RAB26: variants seen among roughly 807,000 people sequenced by gnomAD.
The protein encoded by RAB26 is ras-related protein Rab-26.
In RAB26, 39 loss-of-function variants were observed where a neutral mutation model predicts 33.1. The observed-to-expected ratio is 1.18, with a 90% CI of 0.91 to 1.54. RAB26 has a LOEUF of 1.54. RAB26 is among the 40% of genes most tolerant of loss of function. The pLI, the probability that RAB26 is intolerant of heterozygous loss-of-function variation, is 0.00. For missense variants in RAB26, 468 were observed against 362.9 expected (o/e 1.29, Z -2.35); for synonymous variants, 192 against 151.9 (o/e 1.26, Z -1.94).
Position 2,153,577 on chromosome 16 carries a change from G to A in RAB26, c.*156G>A. ...CAAGCCTTGTCCCTTCCTCCTCCCA[G>A]CAACAGTCCCAACAAGCAGGCTTCT... On this transcript the variant is annotated 3_prime_UTR_variant, in exon 9 of 9. Transcript: ENST00000210187. The A allele has an allele frequency of 1.4e-6, 1 of 700,776 alleles. No individual in the cohort carries two copies. The highest frequency in any genetic ancestry group is 2.4e-6 in the Non-Finnish European group (1 of 409,402). The allele number at this position is 700,776 out of a possible 1,614,324, so 43.4% of individuals were successfully genotyped here.
rs781510741 is a variant in RAB26 at position 2,151,923 on chromosome 16, T to C, written c.468+15T>C. 2 of 1,614,084 alleles carry C rather than the reference T, an allele frequency of 1.2e-6. No homozygotes were observed. Among genetic ancestry groups the C allele is most frequent in the Non-Finnish European group, 8.5e-7 (1 of 1,180,018 alleles). On this transcript the variant is annotated intron_variant, in intron 5 of 8. Coordinates refer to ENST00000210187, the MANE Select transcript of RAB26 (RefSeq NM_014353.5). Reference sequence around the variant, plus strand: ...ACAACATCCAGGTCAGTGGCTTTCCTGGTGGGGTGAAAGGGCCCTGATAGG... The same window carrying C: ...ACAACATCCAGGTCAGTGGCTTTCCCGGTGGGGTGAAAGGGCCCTGATAGG...
At position 2,153,382 on chromosome 16, in the gene RAB26, TA is replaced by T; in HGVS notation, c.734del (p.Lys245ArgfsTer16). On this transcript the variant is annotated frameshift_variant, in exon 9 of 9. Coordinates refer to ENST00000210187, the MANE Select transcript of RAB26 (RefSeq NM_014353.5). LOFTEE classifies it high-confidence loss of function. ...EPRFRLHDYV[K>X]REGRGASCCR... ...CGCGCTTCCGGCTGCATGATTACGT[TA>T]AGAGGGAGGGTCGAGGGGCCTCCTG... is the stretch of plus-strand genomic sequence containing the variant. The T allele has an allele frequency of 6.2e-7, 1 of 1,613,464 alleles. No individual in the cohort carries two copies. The highest frequency in any genetic ancestry group is 1.7e-5 in the Admixed American group (1 of 60,020).
chr16:2,150,127 T>C (rs1372057145), intron 2 of RAB26, 76 bp downstream of exon 2: 6 of 1,348,014 alleles, frequency 4.5e-6, no homozygotes, highest in East Asian at 5.5e-5. Flanking sequence ...CTGATCCCCA[T>C]GGTACCAACA....
At chr16:2,152,531 C>T (rs911685685) in intron 5 of RAB26, among the ~76,000 whole-genome samples, 4 of 151,652 alleles carry the variant, frequency 2.6e-5, no homozygotes, top group Admixed American at 1.3e-4. Flanking sequence ...ATTAGCTGGG[C>T]GTGGTGGTGC....
rs1567240370 is a variant in RAB26, at chr16:2,152,886, G to A, written c.534+1G>A. 1 of 1,604,598 alleles carries A rather than the reference G, an allele frequency of 6.2e-7. No homozygotes were observed. The highest frequency in any genetic ancestry group is 1.1e-5 in the South Asian group (1 of 90,250). On this transcript the variant is annotated splice_donor_variant, in intron 6 of 8. Transcript: ENST00000210187. LOFTEE classifies it high-confidence loss of function. Reference sequence around the variant, plus strand: ...GGCGCTCATGCTGCTGGGGAACAAGGTGGGAGGCCCGGCTGTCCTCACCTG... The same window carrying A: ...GGCGCTCATGCTGCTGGGGAACAAGATGGGAGGCCCGGCTGTCCTCACCTG...
Position 2,151,984 on chromosome 16 carries a change from A to G in RAB26, c.468+76A>G, listed in dbSNP as rs574561493. On this transcript the variant is annotated intron_variant, in intron 5 of 8. Coordinates refer to ENST00000210187, the MANE Select transcript of RAB26 (RefSeq NM_014353.5). Reference sequence around the variant, plus strand: ...TCCCAACCTCCTTCTGGTAGATGGCATCAGGGTTCCAAAGGACCCCGCTGA... The same window carrying G: ...TCCCAACCTCCTTCTGGTAGATGGCGTCAGGGTTCCAAAGGACCCCGCTGA... 8 of 1,576,820 alleles carry G rather than the reference A, an allele frequency of 5.1e-6. No individual in the cohort carries two copies. In the African/African-American group the frequency reaches 8.1e-5, roughly 16 times the overall value.
chr16:2,152,093 G>A (rs1170549755), intron 5 of RAB26, among the ~76,000 whole-genome samples, 185 bp downstream of exon 5: 1 of 151,296 alleles, frequency 6.6e-6, no homozygotes, highest in Non-Finnish European at 1.5e-5. Flanking sequence ...CTCAGCAGGA[G>A]GCTTTGTGTA....
Position 2,151,356 on chromosome 16 carries a change from G to GT in RAB26, c.307-212dup, listed in dbSNP as rs543348133. 130 of 649,052 alleles carry GT rather than the reference G, an allele frequency of 2.0e-4. 2 individuals are homozygous for GT. Among genetic ancestry groups the GT allele is most frequent in the South Asian group, 1.4e-3 (81 of 56,882 alleles). 40.2% of individuals were successfully genotyped at this position (649,052 alleles called of 1,614,324 possible). ...GGGTCATGAGTTCAAATAAGTCAGCGTAAGAGGCTCTAAGCAGGAATAGTG... is the reference window on the plus strand; with the variant it reads ...GGGTCATGAGTTCAAATAAGTCAGCGTTAAGAGGCTCTAAGCAGGAATAGTG... On this transcript the variant is annotated intron_variant, in intron 2 of 8. Coordinates refer to ENST00000210187, the MANE Select transcript of RAB26 (RefSeq NM_014353.5).
At chr16:2,151,988 G>C (rs1386449550) in intron 5 of RAB26, 80 bp downstream of exon 5, 10 of 1,561,920 alleles carry the variant, frequency 6.4e-6, no homozygotes, top group African/African-American at 1.4e-5. Flanking sequence ...GATGGCATCA[G>C]GGTTCCAAAG....
chr16:2,151,982 G>T, intron 5 of RAB26, 74 bp downstream of exon 5: 2 of 1,578,686 alleles, frequency 1.3e-6, no homozygotes, highest in Non-Finnish European at 1.7e-6. Context: ...CTGGTAGATG[G>T]CATCAGGGTT....
intron 1 of RAB26, 76 bp downstream of exon 1, chr16:2,149,054 G>A (rs1231886729): frequency 8.1e-7 from 1 of 1,235,658 alleles, no homozygotes; most frequent in East Asian, 3.2e-5. Flanking sequence ...GGGTCGGACA[G>A]GGGGTGCAGG....
chr16:2,152,682 G>A (rs1396155264), intron 5 of RAB26, 138 bp from the exon 6 acceptor site: 4 of 654,256 alleles, frequency 6.1e-6, no homozygotes, highest in Non-Finnish European at 9.2e-6. Context: ...AACAGGGCGA[G>A]ACTCTTGTCT....
intron 8 of RAB26, 38 bp from the exon 9 acceptor site, chr16:2,153,281 C>T (rs762905592): frequency 6.2e-7 from 1 of 1,612,318 alleles, no homozygotes; most frequent in Non-Finnish European, 8.5e-7. Context: ...TCATTAGAGT[C>T]CAGGCCATCG....
chr16:2,152,721 A>G, intron 5 of RAB26, 99 bp from the exon 6 acceptor site: 1 of 840,570 alleles, frequency 1.2e-6, no homozygotes. Flanking sequence ...AAAAAAGATA[A>G]AGACAGGTGC....
rs1368075832 is a variant in RAB26 at position 2,153,216 on chromosome 16, T to C, written c.662T>C (p.Ile221Thr). The C allele has an allele frequency of 6.2e-7, 1 of 1,613,656 alleles. No homozygotes were observed. The highest frequency in any genetic ancestry group is 2.2e-5 in the East Asian group (1 of 44,888). ...AACGTGGACTTGGCCTTCACAGCCA[T>C]AGCAAAGTAAGTCCTGCCAGTCACC... is the stretch of plus-strand genomic sequence containing the variant. ...GLNVDLAFTA[I>T]AKELKQRSMK... The change falls in exon 8 of 9, where the codon ATA (isoleucine) becomes ACA (threonine). Residue 221 changes from isoleucine to threonine, a missense_variant. Ile to Thr is a moderately conservative substitution (Grantham distance 89). Transcript: ENST00000210187.
chr16:2,152,708 AAAAAAAAAGAT>A, intron 5 of RAB26, 101 bp from the exon 6 acceptor site: 2 of 803,476 alleles, frequency 2.5e-6, no homozygotes, highest in Non-Finnish European at 3.7e-6. Flanking sequence ...AAAAAAAAAA[AAAAAAAAAGAT>A]AAAGACAGGT....
chr16:2,148,322 C>T (rs932573730), upstream of RAB26: 5 of 152,474 alleles, frequency 3.3e-5, no homozygotes, highest in African/African-American at 1.2e-4. Context: ...CCCTTCCTCC[C>T]AGGTCTGGCG....
rs755629645 is a variant in RAB26 at position 2,151,723 on chromosome 16, T to C, written c.377T>C (p.Phe126Ser). ...QMWDTAGQER[F>S]RSVTHAYYRD... The stretch of plus-strand genomic sequence containing the variant: ...TGGGACACAGCTGGTCAGGAGCGGT[T>C]CCGCAGTGTTACCCATGCCTACTAC... The change falls in exon 4 of 9, where the codon TTC becomes TCC. Residue 126 changes from phenylalanine to serine, a missense_variant. Physicochemically the swap from Phe to Ser is radical, Grantham distance 155. Transcript: ENST00000210187. 1.2e-6 allele frequency: 2 copies of C among 1,613,930 alleles called. No homozygotes were observed. The highest frequency in any genetic ancestry group is 1.7e-6 in the Non-Finnish European group (2 of 1,180,000).
intron 5 of RAB26, 138 bp downstream of exon 5, chr16:2,152,046 A>C: frequency 7.9e-7 from 1 of 1,259,186 alleles, no homozygotes; most frequent in Non-Finnish European, 1.1e-6. Context: ...TCTGGGCTGG[A>C]GGTGGCCCAA....
Sources: allele counts gnomAD v4.1 joint callset (sites outside exome capture counted in the v4.1 genomes callset), GRCh38; gene constraint gnomAD v4.1.1; transcripts MANE v1.5; gene names NCBI Gene and HGNC (gene_info 2026-07-23, HGNC 2026-07-21).